DHX36: variants seen among roughly 807,000 people sequenced by gnomAD.
The protein encoded by DHX36 is DEAH-box helicase 36.
Under a neutral mutation model 139.0 loss-of-function variants are expected in DHX36, and 50 were observed. The ratio of observed to expected loss-of-function variants is 0.36; its 90% CI spans 0.29 to 0.46. The LOEUF is 0.46. DHX36 is among the 20% of genes least tolerant of loss of function. DHX36 has a pLI of 1.00. For synonymous variants in DHX36, 425 were observed against 401.9 expected (o/e 1.06, Z -0.69); for missense variants, 1,024 against 1,211.3 (o/e 0.85, Z 2.29).
intron 22 of DHX36, 112 bp from the exon 23 acceptor site, chr3:154,277,830 C>A: frequency 9.8e-7 from 1 of 1,018,460 alleles, no homozygotes; most frequent in East Asian, 2.7e-5. Context: ...CAAACAAATC[C>A]CGGAATCTAA....
Position 154,324,300 on chromosome 3 carries a change from GCCT to G in DHX36, c.114_116del (p.Gly46del), listed in dbSNP as rs1713319452. ...CTCGACCACCCCCTCCGCCGCCGCC[GCCT>G]CCTCCGGAGCCTCGGTTACCTCCAT... On this transcript the variant is annotated inframe_deletion, in exon 1 of 25. Coordinates refer to ENST00000496811, the MANE Select transcript of DHX36 (RefSeq NM_020865.3). The G allele has an allele frequency of 1.9e-6, 3 of 1,604,628 alleles. No homozygotes were observed. The highest frequency in any genetic ancestry group is 1.7e-6 in the Non-Finnish European group (2 of 1,176,224).
At chr3:154,307,277 A>AT (rs1274423759) in intron 5 of DHX36, among the ~76,000 whole-genome samples, 1 of 152,158 alleles carries the variant, frequency 6.6e-6, no homozygotes, top group African/African-American at 2.4e-5. Context: ...ACAAATGGGA[A>AT]TTAACTAAGA....
Position 154,276,571 on chromosome 3 carries a change from C to G in DHX36, c.2841+176G>C, listed in dbSNP as rs946087236. ...AATCACACTGAGCCATTTAGAATGGCTGGTCTGTTACCACCTCAAAACACA... is the reference window on the plus strand; with the variant it reads ...AATCACACTGAGCCATTTAGAATGGGTGGTCTGTTACCACCTCAAAACACA... On this transcript the variant is annotated intron_variant, in intron 24 of 24. Transcript: ENST00000496811. The G allele has an allele frequency of 1.2e-5, 10 of 806,182 alleles. No individual in the cohort carries two copies. In the Admixed American group the frequency reaches 2.1e-4, roughly 17 times the overall value. The allele number at this position is 806,182 out of a possible 1,614,324, so 49.9% of individuals were successfully genotyped here.
Position 154,315,746 on chromosome 3 carries a change from A to C in DHX36, c.368+293T>G, listed in dbSNP as rs72996667. Among the ~76,000 whole-genome samples the C allele has an allele frequency of 5.6e-3, 846 of 152,238 alleles. 12 individuals carry two copies. The highest frequency in any genetic ancestry group is 0.019 in the African/African-American group (807 of 41,578). On this transcript the variant is annotated intron_variant, in intron 2 of 24. Coordinates refer to ENST00000496811, the MANE Select transcript of DHX36 (RefSeq NM_020865.3). The stretch of plus-strand genomic sequence containing the variant: ...AAACGGTAGCAATTTCACTTCTTGC[A>C]GATCTCCCAGACAGAATAATTTCAT...
chr3:154,278,133 C>T (rs1274399760), intron 22 of DHX36, among the ~76,000 whole-genome samples: 5 of 152,144 alleles, frequency 3.3e-5, no homozygotes, highest in African/African-American at 1.2e-4. Flanking sequence ...CTATGACAAT[C>T]ATAATACTGA....
In DHX36 at chr3:154,304,852, T is replaced by C. The variant is rs1712439074; in HGVS notation, c.1089A>G (p.Ile363Met). 5 of 1,607,064 alleles carry C rather than the reference T, an allele frequency of 3.1e-6. No individual in the cohort carries two copies. Among genetic ancestry groups the C allele is most frequent in the Admixed American group, 3.4e-5 (2 of 58,350 alleles). ...CTGCATTCAATGTTGCACTCATCAATATTACTTTCAAGTCAGATCGAAAAT... is the reference window on the plus strand; with the variant it reads ...CTGCATTCAATGTTGCACTCATCAACATTACTTTCAAGTCAGATCGAAAAT... ...LLNFRSDLKVILMSATLNAEK... is the reference protein window; with the variant it reads ...LLNFRSDLKVMLMSATLNAEK... The change falls in exon 8 of 25, where the codon ATA (isoleucine) becomes ATG (methionine). Residue 363 changes from isoleucine to methionine, a missense_variant. Ile to Met is a conservative substitution (Grantham distance 10, BLOSUM62 1). Around this residue, in one of 4 missense-constraint regions of DHX36, gnomAD observed 146 missense variants for 215.0 expected, o/e 0.68. Transcript: ENST00000496811.
intron 3 of DHX36, 112 bp downstream of exon 3, chr3:154,314,934 T>C (rs1273240037): frequency 2.8e-6 from 2 of 718,500 alleles, no homozygotes; most frequent in East Asian, 2.7e-5. Flanking sequence ...CACAGGGATG[T>C]CTTGTTGAGG....
intron 20 of DHX36, among the ~76,000 whole-genome samples, chr3:154,281,566 C>A (rs1469809387): frequency 6.6e-6 from 1 of 151,724 alleles, no homozygotes; most frequent in Non-Finnish European, 1.5e-5. Context: ...AACTTTAGTA[C>A]AATTTAAAGA....
intron 15 of DHX36, among the ~76,000 whole-genome samples, chr3:154,291,814 C>T (rs1224570202): frequency 6.6e-6 from 1 of 152,190 alleles, no homozygotes; most frequent in Non-Finnish European, 1.5e-5. Context: ...ATATATGGCT[C>T]TTATCACTCA....
chr3:154,286,789 G>C (rs911789657), intron 17 of DHX36, among the ~76,000 whole-genome samples: 1 of 151,710 alleles, frequency 6.6e-6, no homozygotes, highest in Non-Finnish European at 1.5e-5. Flanking sequence ...GAAGGACCAA[G>C]ACACTCTGTT....
At chr3:154,317,931 T>C (rs980852542) in intron 1 of DHX36, among the ~76,000 whole-genome samples, 12 of 152,074 alleles carry the variant, frequency 7.9e-5, no homozygotes, top group Admixed American at 7.9e-4. Context: ...ACAGTGCAAC[T>C]CTTATCTTCT....
chr3:154,293,889 C>A, intron 13 of DHX36, 77 bp from the exon 14 acceptor site: 1 of 1,010,988 alleles, frequency 9.9e-7, no homozygotes, highest in Non-Finnish European at 1.5e-6. Context: ...GAGGAATTAC[C>A]TCAGATACTG....
At chr3:154,291,788 C>T (rs759113543) in intron 15 of DHX36, among the ~76,000 whole-genome samples, 3 of 152,000 alleles carry the variant, frequency 2.0e-5, no homozygotes, top group Non-Finnish European at 4.4e-5. Context: ...AAAGAAAAAC[C>T]CTCTTCTGAA....
intron 22 of DHX36, chr3:154,278,518 C>G (rs1348923456): frequency 1.3e-5 from 2 of 150,960 alleles, no homozygotes; most frequent in Non-Finnish European, 2.9e-5. Context: ...GCTCTGTCAC[C>G]CAGACTGGAG....
intron 17 of DHX36, among the ~76,000 whole-genome samples, chr3:154,286,201 A>G (rs1711548699): frequency 6.7e-6 from 1 of 149,930 alleles, no homozygotes; most frequent in Non-Finnish European, 1.5e-5. Context: ...AACACCAACA[A>G]ACACTTTACT....
In DHX36 at chr3:154,277,738, G is replaced by A. The variant is rs1264143832; in HGVS notation, c.2568-20C>T. 2 of 1,580,392 alleles carry A rather than the reference G, an allele frequency of 1.3e-6. No individual in the cohort carries two copies. Among genetic ancestry groups the A allele is most frequent in the Non-Finnish European group, 1.7e-6 (2 of 1,160,866 alleles). On this transcript the variant is annotated intron_variant, in intron 22 of 24. Transcript: ENST00000496811. ...TTTACCCTTTAAAAAAAGTTAAAAT[G>A]CAGTTTGTTAAAAAGAAGTCTTCTA...
chr3:154,324,322 C>G lies in DHX36; in HGVS notation c.95G>C (p.Gly32Ala). 2.5e-6 allele frequency: 4 copies of G among 1,610,854 alleles called. No individual in the cohort carries two copies. In the South Asian group the frequency reaches 3.3e-5, roughly 13 times the overall value. Residue 32 changes from glycine to alanine, a missense_variant, in exon 1 of 25, where the codon GGT becomes GCT. By Grantham distance (60) the Gly-to-Ala change is moderately conservative. Around this residue, in one of 4 missense-constraint regions of DHX36, gnomAD observed 293 missense variants for 274.4 expected, o/e 1.07. Coordinates refer to ENST00000496811, the MANE Select transcript of DHX36 (RefSeq NM_020865.3). The stretch of plus-strand genomic sequence containing the variant: ...GCCGCCTCCTCCGGAGCCTCGGTTA[C>G]CTCCATGACCCCCTGCTGGCCCCCC... ...YGGGPAGGHGGNRGSGGGGGG... is the reference protein window; with the variant it reads ...YGGGPAGGHGANRGSGGGGGG...
chr3:154,314,549 A>G (rs1712889237), intron 3 of DHX36: 1 of 152,760 alleles, frequency 6.5e-6, no homozygotes, highest in Non-Finnish European at 1.5e-5. Context: ...GGACCTTAAA[A>G]TATCTTGCCT....
At chr3:154,309,190 A>AAAAT (rs1324376678) in intron 5 of DHX36, among the ~76,000 whole-genome samples, 2 of 152,104 alleles carry the variant, frequency 1.3e-5, no homozygotes, top group African/African-American at 2.4e-5. Flanking sequence ...CCTGTCTCAA[A>AAAAT]AAATAAATAA....
Sources: allele counts gnomAD v4.1 joint callset (sites outside exome capture counted in the v4.1 genomes callset), GRCh38; gene constraint gnomAD v4.1.1; regional missense constraint gnomAD v4.1.1; transcripts MANE v1.5; gene names NCBI Gene and HGNC (gene_info 2026-07-23, HGNC 2026-07-21).